Variants in GNG4 observed in about 807,000 individuals in gnomAD.
The protein encoded by GNG4 is G protein subunit gamma 4.
In GNG4, 4 loss-of-function variants were observed where a neutral mutation model predicts 5.8. That is an observed-to-expected ratio of 0.69 (90% CI 0.34 to 1.57). GNG4 has a LOEUF of 1.57. Ranked by LOEUF, GNG4 falls within the 40% of genes most tolerant of loss-of-function variation. GNG4 has a pLI of 0.06. For missense variants in GNG4, 96 were observed against 95.1 expected, an observed-to-expected ratio of 1.01 and a Z score of -0.04; for synonymous variants, 29 against 32.9, an observed-to-expected ratio of 0.88 and a Z score of 0.41.
chr1:235,564,896 G>T (rs547867594), intron 3 of GNG4, among the ~76,000 whole-genome samples: 4 of 152,264 alleles, frequency 2.6e-5, no homozygotes, highest in South Asian at 2.1e-4. Flanking sequence ...ATGTTGGCCA[G>T]GATGGTCTTG....
At chr1:235,596,209 T>TACAC (rs59527448) in intron 1 of GNG4, among the ~76,000 whole-genome samples, 6,922 of 133,516 alleles carry the variant, frequency 0.052, 337 homozygotes, top group East Asian at 0.26. Context: ...ACAAACAAAA[T>TACAC]ACACACACAC....
intron 1 of GNG4, among the ~76,000 whole-genome samples, chr1:235,599,986 G>A (rs1039308425): frequency 6.6e-6 from 1 of 150,656 alleles, no homozygotes; most frequent in African/African-American, 2.4e-5. Context: ...ACCCCAGGAA[G>A]TGATTTTAGA....
Position 235,555,036 on chromosome 1 carries a change from G to T in GNG4, c.100-2799C>A, listed in dbSNP as rs1274934604. 2.0e-5 allele frequency among the ~76,000 whole-genome samples: 3 copies of T among 152,158 alleles called. No individual in the cohort carries two copies. The South Asian group carries it at 6.2e-4, about 32-fold the overall frequency. ...CTACCCTTTAGCTAATTCAGAGGAT[G>T]CAAGAGAAAGAATAAGGCAACAGTT... On this transcript the variant is annotated intron_variant, in intron 3 of 3. Coordinates refer to ENST00000391854, the MANE Select transcript of GNG4 (RefSeq NM_001098722.2).
chr1:235,591,907 C>A (rs900272294), intron 2 of GNG4, among the ~76,000 whole-genome samples: 1 of 152,206 alleles, frequency 6.6e-6, no homozygotes, highest in African/African-American at 2.4e-5. Flanking sequence ...GTGGGACCCC[C>A]AGCAGGGAAA....
At chr1:235,604,743 A>C (rs562111976) in intron 1 of GNG4, among the ~76,000 whole-genome samples, 1 of 152,312 alleles carries the variant, frequency 6.6e-6, no homozygotes, top group South Asian at 2.1e-4. Flanking sequence ...AAATAAAGTC[A>C]TATTCTGAAG....
chr1:235,576,808 A>G (rs770298690), intron 3 of GNG4, among the ~76,000 whole-genome samples: 2 of 152,168 alleles, frequency 1.3e-5, no homozygotes, highest in Non-Finnish European at 2.9e-5. Flanking sequence ...GTGTGGGTTT[A>G]AGATCTTGCT....
chr1:235,567,299 A>G (rs766589960), intron 3 of GNG4, among the ~76,000 whole-genome samples: 1 of 152,186 alleles, frequency 6.6e-6, no homozygotes, highest in South Asian at 2.1e-4. Flanking sequence ...ATACACATAT[A>G]TGTGTATTTC....
chr1:235,635,478 A>G (rs1341447728), intron 1 of GNG4, among the ~76,000 whole-genome samples: 2 of 143,728 alleles, frequency 1.4e-5, no homozygotes, highest in African/African-American at 2.6e-5. Flanking sequence ...CCTGGGCAAC[A>G]AGAGCAAAAC....
At chr1:235,574,857 C>A (rs537612154) in intron 3 of GNG4, among the ~76,000 whole-genome samples, 69 of 152,200 alleles carry the variant, frequency 4.5e-4, no homozygotes, top group Non-Finnish European at 8.8e-4. Flanking sequence ...TGGAGTCTCC[C>A]GCTGTTGCCC....
intron 3 of GNG4, among the ~76,000 whole-genome samples, chr1:235,580,705 T>C (rs1174861636): frequency 6.6e-6 from 1 of 151,542 alleles, no homozygotes; most frequent in Non-Finnish European, 1.5e-5. Flanking sequence ...CACGTTTCCA[T>C]TATGGTCAGC....
At chr1:235,593,213 T>C (rs1022684708) in intron 2 of GNG4, among the ~76,000 whole-genome samples, 1 of 152,122 alleles carries the variant, frequency 6.6e-6, no homozygotes, top group Non-Finnish European at 1.5e-5. Flanking sequence ...CCTCCCAAAT[T>C]GCTGGAATTC....
chr1:235,578,736 TAGAG>T (rs1192164761), intron 3 of GNG4, among the ~76,000 whole-genome samples: 1 of 151,918 alleles, frequency 6.6e-6, no homozygotes, highest in East Asian at 1.9e-4. Context: ...TTTATAGAAA[TAGAG>T]AGTAAAATGG....
chr1:235,626,137 G>A (rs547245595), intron 1 of GNG4, among the ~76,000 whole-genome samples: 69 of 152,214 alleles, frequency 4.5e-4, no homozygotes, highest in Middle Eastern at 3.2e-3. Context: ...TAAATGGTGT[G>A]TAGTGGTTTC....
intron 3 of GNG4, among the ~76,000 whole-genome samples, 189 bp downstream of exon 3, chr1:235,583,551 C>T (rs749219573): frequency 6.6e-6 from 1 of 152,180 alleles, no homozygotes; most frequent in Non-Finnish European, 1.5e-5. Flanking sequence ...GTGTATTTTG[C>T]ATCCTTTGAA....
intron 2 of GNG4, among the ~76,000 whole-genome samples, chr1:235,587,212 A>G (rs1676376658): frequency 1.4e-5 from 1 of 71,774 alleles, no homozygotes; most frequent in Non-Finnish European, 2.4e-5. Flanking sequence ...AGTATGTGTG[A>G]GGGTGTGGGT....
chr1:235,573,474 TA>T (rs36030081), intron 3 of GNG4, among the ~76,000 whole-genome samples: 80 of 141,318 alleles, frequency 5.7e-4, no homozygotes, highest in Middle Eastern at 3.5e-3. Flanking sequence ...TAAAGTATGA[TA>T]AAAAAAAAAA....
rs568173345 is a variant in GNG4 at position 235,569,189 on chromosome 1, G to A, written c.99+14551C>T. 1.4e-3 allele frequency among the ~76,000 whole-genome samples: 209 copies of A among 152,284 alleles called. 1 individual carries two copies. Among genetic ancestry groups the A allele is most frequent in the Non-Finnish European group, 1.7e-3 (115 of 68,020 alleles). On this transcript the variant is annotated intron_variant, in intron 3 of 3. Coordinates refer to ENST00000391854, the MANE Select transcript of GNG4 (RefSeq NM_001098722.2). ...AGCACCAACATCTCAGGGCTGGTGT[G>A]AAAATTCAAGCACCTAACACATATT...
chr1:235,587,905 A>T (rs929947090), intron 2 of GNG4, among the ~76,000 whole-genome samples: 7 of 126,028 alleles, frequency 5.6e-5, no homozygotes, highest in Admixed American at 2.5e-4. Context: ...CTGGAGTGTG[A>T]GTGTGTGGGT....
At chr1:235,640,409 C>T (rs1312175110) in intron 1 of GNG4, among the ~76,000 whole-genome samples, 3 of 152,166 alleles carry the variant, frequency 2.0e-5, no homozygotes, top group Non-Finnish European at 2.9e-5. Context: ...GGGGATGAGG[C>T]CCAAGAAGGG....
Sources: gnomAD v4.1 joint callset for allele counts (sites outside exome capture counted in the v4.1 genomes callset) on GRCh38, gnomAD v4.1.1 for gene constraint, MANE v1.5 for transcripts, NCBI Gene and HGNC (gene_info 2026-07-23, HGNC 2026-07-21) for gene names.